DIAPH3: variants seen among roughly 807,000 people sequenced by gnomAD.
DIAPH3 encodes diaphanous related formin 3, also known as protein diaphanous homolog 3.
DIAPH3 carries 117 observed loss-of-function variants against 144.3 expected under a neutral mutation model. The ratio of observed to expected loss-of-function variants is 0.81; its 90% confidence interval spans 0.70 to 0.95. The LOEUF (loss-of-function observed/expected upper bound fraction) is 0.95, where lower values mean the gene tolerates loss of function less well. DIAPH3 is among the 40% of genes least tolerant of loss of function. The pLI, the probability that DIAPH3 is intolerant of heterozygous loss-of-function variation, is 0.00. For missense variants in DIAPH3, 1,421 were observed against 1,412.7 expected (o/e 1.01, Z -0.09); for synonymous variants, 519 against 488.9 (o/e 1.06, Z -0.81).
intron 3 of DIAPH3, among the ~76,000 whole-genome samples, chr13:60,109,997 C>T (rs1387449325): frequency 6.6e-6 from 1 of 152,126 alleles, no homozygotes; most frequent in African/African-American, 2.4e-5. Context: ...TTTAAGAATG[C>T]ACACAGAAAC....
At chr13:60,149,114 T>G (rs1229004023) in intron 1 of DIAPH3, among the ~76,000 whole-genome samples, 1 of 152,228 alleles carries the variant, frequency 6.6e-6, no homozygotes, top group Non-Finnish European at 1.5e-5. Context: ...TTCCTTCTGC[T>G]TTTTCTTTCA....
intron 19 of DIAPH3, 80 bp downstream of exon 19, chr13:59,916,075 T>C: frequency 1.6e-6 from 2 of 1,222,906 alleles, no homozygotes; most frequent in African/African-American, 3.0e-5. Context: ...GGGTGAAGAA[T>C]TTTGCTTCAC....
chr13:59,693,251 G>A (rs541032690), intron 27 of DIAPH3, among the ~76,000 whole-genome samples: 1 of 152,266 alleles, frequency 6.6e-6, no homozygotes, highest in East Asian at 1.9e-4. Context: ...GCCTGGGCCT[G>A]TGGGTGAGGG....
chr13:59,714,482 C>A (rs557156883), intron 27 of DIAPH3, among the ~76,000 whole-genome samples: 7 of 151,974 alleles, frequency 4.6e-5, no homozygotes, highest in East Asian at 1.9e-4. Flanking sequence ...CTGCAATGGG[C>A]TATGAACACA....
chr13:59,898,153 A>AG lies in DIAPH3; in HGVS notation c.2367+13581_2367+13582insC, dbSNP rs1287902050. On this transcript the variant is annotated intron_variant, in intron 20 of 27. Coordinates refer to ENST00000400324, the MANE Select transcript of DIAPH3 (RefSeq NM_001042517.2). ...CTGCCTCAAAAAAAAAAAAAAAAAAAAAAGAAAAAGAAAAAAGAAAAAAAA... is the reference window on the plus strand; with the variant it reads ...CTGCCTCAAAAAAAAAAAAAAAAAAAGAAAGAAAAAGAAAAAAGAAAAAAAA... 1.6e-3 allele frequency among the ~76,000 whole-genome samples: 241 copies of AG among 149,858 alleles called. 1 individual carries two copies. The highest frequency in any genetic ancestry group is 5.3e-3 in the African/African-American group (218 of 40,852).
chr13:60,082,211 T>C, intron 4 of DIAPH3, among the ~76,000 whole-genome samples: 1 of 150,708 alleles, frequency 6.6e-6, no homozygotes, highest in East Asian at 2.0e-4. Flanking sequence ...AGAATAAACA[T>C]AATGTCATAA....
intron 1 of DIAPH3, among the ~76,000 whole-genome samples, chr13:60,145,153 A>G (rs368974716): frequency 6.6e-6 from 1 of 152,220 alleles, no homozygotes; most frequent in Non-Finnish European, 1.5e-5. Flanking sequence ...GTTGGTGAGT[A>G]CCTAGGCTGG....
chr13:59,817,665 T>A (rs752509565), intron 24 of DIAPH3, among the ~76,000 whole-genome samples: 29 of 151,976 alleles, frequency 1.9e-4, no homozygotes, highest in Non-Finnish European at 2.8e-4. Flanking sequence ...TGTTTCCATC[T>A]ATTTGTCTAG....
intron 27 of DIAPH3, among the ~76,000 whole-genome samples, chr13:59,766,737 C>T (rs1222755022): frequency 6.6e-6 from 1 of 151,750 alleles, no homozygotes; most frequent in Non-Finnish European, 1.5e-5. Flanking sequence ...AATCACAAAC[C>T]ATTTGGTTCA....
chr13:59,749,523 A>G (rs1474839067), intron 27 of DIAPH3, among the ~76,000 whole-genome samples: 1 of 149,818 alleles, frequency 6.7e-6, no homozygotes, highest in Non-Finnish European at 1.5e-5. Context: ...CCATCTCAAA[A>G]AAAAAAAAAA....
At chr13:59,691,198 A>C (rs973894635) in intron 27 of DIAPH3, among the ~76,000 whole-genome samples, 1 of 152,186 alleles carries the variant, frequency 6.6e-6, no homozygotes, top group African/African-American at 2.4e-5. Flanking sequence ...TAAAAATTTA[A>C]GTAATTTCTT....
chr13:60,000,060 T>C (rs1409423299), intron 9 of DIAPH3, among the ~76,000 whole-genome samples: 3 of 152,206 alleles, frequency 2.0e-5, no homozygotes, highest in South Asian at 4.1e-4. Context: ...TGTATTTTCA[T>C]ATGTTACTAT....
chr13:59,839,535 A>G (rs2042227225), intron 22 of DIAPH3, 87 bp from the exon 23 acceptor site: 3 of 1,235,148 alleles, frequency 2.4e-6, no homozygotes, highest in Non-Finnish European at 3.4e-6. Flanking sequence ...CATTCATGAA[A>G]ACAACTCACA....
At chr13:60,102,726 G>A (rs2082571599) in intron 3 of DIAPH3, among the ~76,000 whole-genome samples, 1 of 152,178 alleles carries the variant, frequency 6.6e-6, no homozygotes, top group South Asian at 2.1e-4. Flanking sequence ...AACACTAGCA[G>A]ACCCACACTA....
intron 25 of DIAPH3, among the ~76,000 whole-genome samples, chr13:59,798,590 C>G (rs1593887526): frequency 6.6e-6 from 1 of 152,222 alleles, no homozygotes; most frequent in Non-Finnish European, 1.5e-5. Flanking sequence ...TTCAAAGGAA[C>G]AACAAAGGTA....
At chr13:59,748,128 G>A (rs867458577) in intron 27 of DIAPH3, among the ~76,000 whole-genome samples, 3 of 152,140 alleles carry the variant, frequency 2.0e-5, no homozygotes, top group African/African-American at 7.2e-5. Flanking sequence ...GTAGAGTTCC[G>A]GGTACCAAAA....
intron 4 of DIAPH3, among the ~76,000 whole-genome samples, chr13:60,089,391 A>C (rs2057856193): frequency 6.6e-6 from 1 of 152,226 alleles, no homozygotes; most frequent in South Asian, 2.1e-4. Flanking sequence ...CTAATAAAGA[A>C]TGAGAACTAT....
intron 4 of DIAPH3, among the ~76,000 whole-genome samples, chr13:60,086,105 T>A (rs1262763200): frequency 6.6e-6 from 1 of 152,142 alleles, no homozygotes; most frequent in Non-Finnish European, 1.5e-5. Context: ...CTTAACTACC[T>A]ATACGATTTT....
rs561202354 is a variant in DIAPH3 at position 59,907,561 on chromosome 13, TAA to T, written c.2367+4172_2367+4173del. 2.9e-3 allele frequency among the ~76,000 whole-genome samples: 440 copies of T among 152,304 alleles called. 2 individuals are homozygous for T. The highest frequency in any genetic ancestry group is 0.01 in the African/African-American group (427 of 41,564). ...TAAGCTCTAAGGCCTTGAAATCATATAACTGGATTTCAATCCTAATAGGTACA... is the reference window on the plus strand; with the variant it reads ...TAAGCTCTAAGGCCTTGAAATCATATCTGGATTTCAATCCTAATAGGTACA... On this transcript the variant is annotated intron_variant, in intron 20 of 27. Coordinates refer to ENST00000400324, the MANE Select transcript of DIAPH3 (RefSeq NM_001042517.2).
Sources: gnomAD v4.1 joint callset for allele counts (sites outside exome capture counted in the v4.1 genomes callset) on GRCh38, gnomAD v4.1.1 for gene constraint, MANE v1.5 for transcripts, NCBI Gene and HGNC (gene_info 2026-07-23, HGNC 2026-07-21) for gene names.